Variants in FASTKD1 observed in about 807,000 individuals in gnomAD.
FASTKD1 encodes FAST kinase domains 1.
FASTKD1 carries 94 observed loss-of-function variants against 90.9 expected under a neutral mutation model. That is an observed-to-expected ratio of 1.03 (90% CI 0.88 to 1.23). FASTKD1 has a LOEUF of 1.23. FASTKD1 is among the 50% of genes most tolerant of loss of function. The pLI, the probability that FASTKD1 is intolerant of heterozygous loss-of-function variation, is 0.00. For synonymous variants in FASTKD1, 319 were observed against 345.8 expected (o/e 0.92, Z 0.86); for missense variants, 945 against 993.5 (o/e 0.95, Z 0.66).
chr2:169,556,038 AG>A (rs1284785722), intron 6 of FASTKD1, among the ~76,000 whole-genome samples: 1 of 152,286 alleles, frequency 6.6e-6, no homozygotes, highest in Admixed American at 6.5e-5. Flanking sequence ...AAGAAAGAAA[AG>A]TAAGAAAACA....
chr2:169,540,289 C>A (rs1166575734), intron 9 of FASTKD1, 110 bp from the exon 10 acceptor site: 1 of 1,066,172 alleles, frequency 9.4e-7, no homozygotes, highest in Non-Finnish European at 1.3e-6. Context: ...ACAGCCTTGA[C>A]AAAACTAATC....
At chr2:169,559,830 T>A (rs1683500742) in intron 5 of FASTKD1, among the ~76,000 whole-genome samples, 1 of 152,246 alleles carries the variant, frequency 6.6e-6, no homozygotes, top group Admixed American at 6.5e-5. Flanking sequence ...CGTATTTGTA[T>A]GTTAATTTAA....
chr2:169,546,919 T>C (rs2683426), intron 7 of FASTKD1, among the ~76,000 whole-genome samples: 149,766 of 152,236 alleles, frequency 0.98, 73,685 homozygotes, highest in East Asian at 1. Context: ...AAGCAGCGGA[T>C]ACCAACTGGG....
chr2:169,560,560 A>C lies in FASTKD1; in HGVS notation c.798T>G (p.Asp266Glu). ...FLSNVDHLDL[D>E]SISKILSVYK... ...ATACACTAAGTATTTTACTGATGGA[A>C]TCCAAATCAAGGTGGTCCACATTAC... is the stretch of plus-strand genomic sequence containing the variant. The change falls in exon 5 of 15, where the codon GAT becomes GAG. Residue 266 changes from aspartate (D) to glutamate (E), a missense_variant. Asp to Glu is a conservative substitution (Grantham distance 45, BLOSUM62 2). Transcript: ENST00000453153. 6.2e-7 allele frequency: 1 copy of C among 1,604,860 alleles called. No homozygotes were observed. The highest frequency in any genetic ancestry group is 1.1e-5 in the South Asian group (1 of 88,940).
Position 169,571,791 on chromosome 2 carries a change from T to G in FASTKD1, c.239A>C (p.Lys80Thr). 6.2e-7 allele frequency: 1 copy of G among 1,614,164 alleles called. No individual in the cohort carries two copies. Among genetic ancestry groups the G allele is most frequent in the Non-Finnish European group, 8.5e-7 (1 of 1,180,018 alleles). ...CAFDMLWKLQ[K>T]QKTSLLKNAE... ...ATTTTTTAACAGGCTGGTCTTCTGC[T>G]TTTGAAGCTTCCAAAGCATATCAAA... Residue 80 changes from lysine (K) to threonine (T), a missense_variant, in exon 2 of 15, where the codon AAG becomes ACG. By Grantham distance (78) the Lys-to-Thr change is moderately conservative. Transcript: ENST00000453153.
intron 8 of FASTKD1, among the ~76,000 whole-genome samples, chr2:169,545,739 G>T (rs533100274): frequency 6.6e-6 from 1 of 152,238 alleles, no homozygotes; most frequent in Non-Finnish European, 1.5e-5. Context: ...CACGATTACA[G>T]AAATAAGAAA....
intron 14 of FASTKD1, 36 bp downstream of exon 14, chr2:169,530,551 G>C (rs1684432232): frequency 4.9e-6 from 6 of 1,221,770 alleles, no homozygotes; most frequent in Non-Finnish European, 7.1e-6. Context: ...GTGTCTCTGG[G>C]CTTTTTAGAG....
At chr2:169,562,321 C>T (rs1357431914) in intron 4 of FASTKD1, among the ~76,000 whole-genome samples, 1 of 151,904 alleles carries the variant, frequency 6.6e-6, no homozygotes, top group Non-Finnish European at 1.5e-5. Context: ...CAACCTCCAC[C>T]TCCCAGGTTC....
chr2:169,540,696 A>ATAT (rs1405454662), intron 9 of FASTKD1, among the ~76,000 whole-genome samples: 1 of 152,208 alleles, frequency 6.6e-6, no homozygotes, highest in East Asian at 1.9e-4. Context: ...TTTATAAATA[A>ATAT]GCATTAGGAA....
intron 3 of FASTKD1, among the ~76,000 whole-genome samples, chr2:169,563,934 A>C (rs1022945540): frequency 6.6e-6 from 1 of 152,314 alleles, no homozygotes; most frequent in East Asian, 1.9e-4. Context: ...TGAGCAAACT[A>C]AACTATAAGG....
Position 169,571,935 on chromosome 2 carries a change from C to T in FASTKD1, c.95G>A (p.Arg32Gln), listed in dbSNP as rs376071696. 7 of 1,613,772 alleles carry T rather than the reference C, an allele frequency of 4.3e-6. No individual in the cohort carries two copies. Among genetic ancestry groups the T allele is most frequent in the South Asian group, 2.2e-5 (2 of 91,054 alleles). Residue 32 changes from arginine to glutamine, a missense_variant, in exon 2 of 15, where the codon CGA (arginine) becomes CAA (glutamine). Physicochemically the swap from Arg to Gln is conservative, Grantham distance 43. Coordinates refer to ENST00000453153, the MANE Select transcript of FASTKD1 (RefSeq NM_024622.6). ...CPFSWRVFQF[R>Q]PISCEPLIIQ... is the part of the protein sequence containing the mutation. ...AATTAGTGGTTCACAACTGATGGGT[C>T]GAAATTGAAACACTCTCCAGGAGAA...
At chr2:169,570,652 T>C (rs1684193427) in intron 2 of FASTKD1, among the ~76,000 whole-genome samples, 2 of 151,340 alleles carry the variant, frequency 1.3e-5, no homozygotes, top group Non-Finnish European at 2.9e-5. Flanking sequence ...AATTTACTAA[T>C]TGCTGATTGT....
intron 8 of FASTKD1, among the ~76,000 whole-genome samples, chr2:169,545,170 A>C (rs1292652390): frequency 6.6e-6 from 1 of 152,186 alleles, no homozygotes; most frequent in Non-Finnish European, 1.5e-5. Context: ...GGATTGCTTG[A>C]GGCCAGGAGT....
In FASTKD1 at chr2:169,544,855, A is replaced by C. The variant is rs771279778; in HGVS notation, c.1702-20T>G. The C allele has an allele frequency of 7.7e-5, 108 of 1,403,406 alleles. 1 individual carries two copies. Among genetic ancestry groups the C allele is most frequent in the Non-Finnish European group, 1.0e-4 (104 of 1,013,950 alleles). 86.9% of individuals were successfully genotyped at this position (1,403,406 alleles called of 1,614,324 possible). A position where few individuals can be genotyped will look rare whatever the true frequency, so the allele number is the denominator to read the frequency against. On this transcript the variant is annotated intron_variant, in intron 8 of 14. Transcript: ENST00000453153. ...ATGGATCTGTATAAAAAGAACAAAAAATTTATAGTTTAAACTTTAGGAAAA... is the reference window on the plus strand; with the variant it reads ...ATGGATCTGTATAAAAAGAACAAAACATTTATAGTTTAAACTTTAGGAAAA...
At chr2:169,558,033 C>T (rs1369436359) in intron 5 of FASTKD1, among the ~76,000 whole-genome samples, 2 of 152,194 alleles carry the variant, frequency 1.3e-5, no homozygotes, top group African/African-American at 4.8e-5. Flanking sequence ...ATATTTTTCT[C>T]TCACTTCTGT....
Position 169,546,246 on chromosome 2 carries a change from G to C in FASTKD1, c.1673C>G (p.Ala558Gly), listed in dbSNP as rs1379259730. The C allele has an allele frequency of 1.9e-6, 3 of 1,594,728 alleles. No individual in the cohort carries two copies. The highest frequency in any genetic ancestry group is 3.5e-5 in the Admixed American group (2 of 57,704). The change falls in exon 8 of 15, where the codon GCC becomes GGC. Residue 558 changes from alanine (A) to glycine (G), a missense_variant. Transcript: ENST00000453153. ...YLSTLLLDRI[A>G]SVAVQQIEKI... is the part of the protein sequence containing the mutation. ...TTCAATCTGCTGAACAGCCACTGAG[G>C]CTATCCTATCTAGTAGCAAAGTACT... is the stretch of plus-strand genomic sequence containing the variant.
chr2:169,563,809 C>T (rs1243126666), intron 3 of FASTKD1, among the ~76,000 whole-genome samples: 1 of 152,020 alleles, frequency 6.6e-6, no homozygotes, highest in Admixed American at 6.6e-5. Flanking sequence ...AATAGCAAAA[C>T]CCTGCAAAAA....
chr2:169,550,748 T>A (rs1163885767), intron 7 of FASTKD1, among the ~76,000 whole-genome samples: 1 of 143,268 alleles, frequency 7.0e-6, no homozygotes, highest in East Asian at 1.9e-4. Context: ...CAAATATACT[T>A]TTTTCTGTTT....
At chr2:169,538,189 A>G (rs1214241399) in intron 10 of FASTKD1, 48 bp from the exon 11 acceptor site, 4 of 1,511,508 alleles carry the variant, frequency 2.6e-6, no homozygotes, top group Admixed American at 2.2e-5. Flanking sequence ...AGACCTAGGA[A>G]AGACAACCCA....
Sources: gnomAD v4.1 joint callset for allele counts (sites outside exome capture counted in the v4.1 genomes callset) on GRCh38, gnomAD v4.1.1 for gene constraint, MANE v1.5 for transcripts, NCBI Gene and HGNC (gene_info 2026-07-23, HGNC 2026-07-21) for gene names.